NPSR1: variants seen among roughly 807,000 people sequenced by gnomAD.
NPSR1 encodes the protein neuropeptide S receptor.
Under a neutral mutation model 46.9 loss-of-function variants are expected in NPSR1, and 48 were observed. That is an observed-to-expected ratio of 1.02 (90% CI 0.81 to 1.30). NPSR1 has a LOEUF of 1.30. NPSR1 is among the 50% of genes most tolerant of loss of function. NPSR1 has a pLI of 0.00. For missense variants in NPSR1, 450 were observed against 449.5 expected, an observed-to-expected ratio of 1.00 and a Z score of -0.01; for synonymous variants, 176 against 168.1, an observed-to-expected ratio of 1.05 and a Z score of -0.36.
At chr7:34,725,141 TCA>T (rs1209034062) in intron 2 of NPSR1, among the ~76,000 whole-genome samples, 1 of 135,626 alleles carries the variant, frequency 7.4e-6, no homozygotes, top group Non-Finnish European at 1.7e-5. Context: ...ACACACACAC[TCA>T]CACACACACA....
At chr7:34,823,163 G>A (rs947536786) in intron 4 of NPSR1, among the ~76,000 whole-genome samples, 1 of 151,974 alleles carries the variant, frequency 6.6e-6, no homozygotes, top group African/African-American at 2.4e-5. Context: ...GGCTGAGGTG[G>A]GTGGATCACT....
chr7:34,833,062 TG>T (rs1183880702), intron 5 of NPSR1, among the ~76,000 whole-genome samples: 3 of 152,170 alleles, frequency 2.0e-5, no homozygotes, highest in Non-Finnish European at 4.4e-5. Flanking sequence ...TCAGCAAGAA[TG>T]GGAAAAGGCA....
intron 3 of NPSR1, among the ~76,000 whole-genome samples, chr7:34,790,381 A>C (rs1222636458): frequency 1.3e-5 from 2 of 151,976 alleles, no homozygotes; most frequent in Non-Finnish European, 2.9e-5. Flanking sequence ...TCAACAAATA[A>C]AGACCACATA....
Position 34,741,674 on chromosome 7 carries a change from A to G in NPSR1, c.281-36788A>G, listed in dbSNP as rs144554278. 4.8e-3 allele frequency among the ~76,000 whole-genome samples: 728 copies of G among 152,300 alleles called. 4 individuals carry two copies. The highest frequency in any genetic ancestry group is 0.034 in the Middle Eastern group (10 of 294). Reference sequence around the variant, plus strand: ...TAAAACAAAGGCACACTTTGCACTGATCCTTCAGGGAGCTGCCAGACAGTC... The same window carrying G: ...TAAAACAAAGGCACACTTTGCACTGGTCCTTCAGGGAGCTGCCAGACAGTC... On this transcript the variant is annotated intron_variant, in intron 2 of 8. Transcript: ENST00000360581.
At chr7:34,850,980 T>C (rs1790918628), downstream of NPSR1, among the ~76,000 whole-genome samples, 1 of 152,234 alleles carries the variant, frequency 6.6e-6, no homozygotes, top group South Asian at 2.1e-4. Flanking sequence ...ATAATCCAAG[T>C]GAAATATGAC....
Position 34,726,288 on chromosome 7 carries a change from G to A in NPSR1, c.280+41604G>A, listed in dbSNP as rs1784147527. ...TCCACATCATATGTCATCAGGGAAT[G>A]CAAATTAAAGCAACAATGACATAGC... On this transcript the variant is annotated intron_variant, in intron 2 of 8. Transcript: ENST00000360581. Among the ~76,000 whole-genome samples, 6 of 152,296 alleles carry A rather than the reference G, an allele frequency of 3.9e-5. No individual in the cohort carries two copies. In the South Asian group the frequency reaches 1.2e-3, roughly 32 times the overall value.
At chr7:34,737,148 A>G (rs527393090) in intron 2 of NPSR1, among the ~76,000 whole-genome samples, 1 of 152,214 alleles carries the variant, frequency 6.6e-6, no homozygotes, top group East Asian at 1.9e-4. Context: ...ATCAGCATTC[A>G]TATCCCCTGC....
At chr7:34,827,637 G>GT in intron 5 of NPSR1, 35 bp downstream of exon 5, 1 of 1,188,990 alleles carries the variant, frequency 8.4e-7, no homozygotes. Context: ...ACACGGGGGG[G>GT]TGGGGCGGGG....
chr7:34,692,077 G>A (rs1583819848), intron 2 of NPSR1, among the ~76,000 whole-genome samples: 1 of 152,122 alleles, frequency 6.6e-6, no homozygotes, highest in Non-Finnish European at 1.5e-5. Flanking sequence ...GTTACAGTAA[G>A]CACCACTGCA....
intron 3 of NPSR1, among the ~76,000 whole-genome samples, chr7:34,789,492 C>T (rs1562728128): frequency 1.3e-5 from 2 of 151,790 alleles, no homozygotes; most frequent in Admixed American, 6.6e-5. Context: ...TAACAAGCGA[C>T]TATGAAAAAC....
intron 3 of NPSR1, among the ~76,000 whole-genome samples, chr7:34,806,776 T>C (rs1788721378): frequency 6.6e-6 from 1 of 152,132 alleles, no homozygotes; most frequent in East Asian, 1.9e-4. Context: ...TCTGTGTTGT[T>C]TGCAATTTTT....
intron 1 of NPSR1, among the ~76,000 whole-genome samples, chr7:34,669,266 T>A (rs898744422): frequency 6.6e-6 from 1 of 152,138 alleles, no homozygotes; most frequent in African/African-American, 2.4e-5. Context: ...CTCTGAGAAG[T>A]CTTACAGTAA....
intron 1 of NPSR1, among the ~76,000 whole-genome samples, chr7:34,680,931 T>C (rs1036883925): frequency 1.4e-5 from 2 of 148,020 alleles, no homozygotes; most frequent in African/African-American, 5.1e-5. Flanking sequence ...CTTTCTGGTG[T>C]TGATAAAGGT....
At chr7:34,754,022 T>C (rs1192308241) in intron 2 of NPSR1, among the ~76,000 whole-genome samples, 1 of 152,152 alleles carries the variant, frequency 6.6e-6, no homozygotes, top group African/African-American at 2.4e-5. Flanking sequence ...CCTGGACATT[T>C]TGAAGCCCTT....
At chr7:34,757,051 T>C (rs1785900381) in intron 2 of NPSR1, among the ~76,000 whole-genome samples, 1 of 152,226 alleles carries the variant, frequency 6.6e-6, no homozygotes, top group South Asian at 2.1e-4. Context: ...TGATGCTTCC[T>C]GTTGTACGCA....
rs1256256251 is a variant in NPSR1, at chr7:34,759,623, T to TATTA, written c.281-18839_281-18838insATTA. Among the ~76,000 whole-genome samples, 1,084 of 152,246 alleles carry TATTA rather than the reference T, an allele frequency of 7.1e-3. 11 individuals carry two copies. The highest frequency in any genetic ancestry group is 0.025 in the African/African-American group (1,023 of 41,526). ...ATCTCCAATGAGCCAAGTAAAACCA[T>TATTA]GGCATATTTAAGAGAAAGGGCCACA... On this transcript the variant is annotated intron_variant, in intron 2 of 8. Transcript: ENST00000360581.
intron 4 of NPSR1, among the ~76,000 whole-genome samples, chr7:34,813,658 G>C (rs908874974): frequency 3.9e-5 from 6 of 152,156 alleles, no homozygotes; most frequent in Non-Finnish European, 7.3e-5. Context: ...AGCAGAAAGA[G>C]AGAACACACA....
Position 34,811,767 on chromosome 7 carries a change from T to C in NPSR1, c.385-3T>C. ...ATAAGCTTCCTCTCATTTCTGTCTT[T>C]AGGTTGTGCTGCTCTACGCCTCTAC... On this transcript the variant is annotated splice_polypyrimidine_tract_variant and splice_region_variant and intron_variant, in intron 3 of 8. Coordinates refer to ENST00000360581, the MANE Select transcript of NPSR1 (RefSeq NM_207172.2). 6.2e-7 allele frequency: 1 copy of C among 1,604,368 alleles called. No homozygotes were observed. Among genetic ancestry groups the C allele is most frequent in the Non-Finnish European group, 8.5e-7 (1 of 1,174,040 alleles).
chr7:34,831,802 CT>C (rs2128758457), intron 5 of NPSR1, among the ~76,000 whole-genome samples: 1 of 151,740 alleles, frequency 6.6e-6, no homozygotes, highest in South Asian at 2.1e-4. Context: ...ATTTTCATCT[CT>C]GTAAGATAAA....
Sources: gnomAD v4.1 joint callset for allele counts (sites outside exome capture counted in the v4.1 genomes callset) on GRCh38, gnomAD v4.1.1 for gene constraint, MANE v1.5 for transcripts, NCBI Gene and HGNC (gene_info 2026-07-23, HGNC 2026-07-21) for gene names.